Variants in SIPA1L2 observed in about 807,000 individuals in gnomAD.
SIPA1L2 encodes the protein signal induced proliferation associated 1 like 2.
SIPA1L2 carries 56 observed loss-of-function variants against 163.9 expected under a neutral mutation model. That is an observed-to-expected ratio of 0.34 (90% CI 0.28 to 0.43). SIPA1L2 has a LOEUF of 0.43. Ranked by LOEUF, SIPA1L2 falls within the 20% of genes least tolerant of loss-of-function variation. SIPA1L2 has a pLI of 1.00. For missense variants in SIPA1L2, 1,974 were observed against 2,193.5 expected (o/e 0.90, Z 2.00); for synonymous variants, 877 against 865.7 (o/e 1.01, Z -0.23).
chr1:232,577,888 A>C (rs2102795464), intron 1 of SIPA1L2, among the ~76,000 whole-genome samples: 1 of 152,268 alleles, frequency 6.6e-6, no homozygotes, highest in East Asian at 1.9e-4. Context: ...AATTACATAA[A>C]CTTGGCAGGG....
At chr1:232,449,650 A>T (rs987327875) in intron 10 of SIPA1L2, among the ~76,000 whole-genome samples, 5 of 152,170 alleles carry the variant, frequency 3.3e-5, no homozygotes, top group Non-Finnish European at 7.3e-5. Flanking sequence ...TAGTATATGA[A>T]CATTTCTAGA....
intron 2 of SIPA1L2, among the ~76,000 whole-genome samples, chr1:232,541,518 CA>C (rs1657678598): frequency 6.6e-6 from 1 of 152,076 alleles, no homozygotes; most frequent in South Asian, 2.1e-4. Flanking sequence ...TATTTTTCCC[CA>C]AAAACTCCAG....
intron 2 of SIPA1L2, among the ~76,000 whole-genome samples, chr1:232,564,820 G>T (rs1659306258): frequency 6.6e-6 from 1 of 152,094 alleles, no homozygotes. Context: ...GTGTACACAT[G>T]TTCTCTCTCA....
At chr1:232,531,649 GTTC>G (rs980830094) in intron 2 of SIPA1L2, among the ~76,000 whole-genome samples, 3 of 152,150 alleles carry the variant, frequency 2.0e-5, no homozygotes, top group Non-Finnish European at 4.4e-5. Context: ...ACATCTTTTG[GTTC>G]TTCTTAGTAG....
At chr1:232,443,088 T>A (rs933152234) in intron 12 of SIPA1L2, among the ~76,000 whole-genome samples, 11 of 152,252 alleles carry the variant, frequency 7.2e-5, no homozygotes, top group African/African-American at 2.6e-4. Flanking sequence ...TGCTCCCTCT[T>A]CTCTTCCCAG....
At chr1:232,471,122 T>A (rs1307374061) in intron 8 of SIPA1L2, among the ~76,000 whole-genome samples, 1 of 152,192 alleles carries the variant, frequency 6.6e-6, no homozygotes, top group Non-Finnish European at 1.5e-5. Context: ...AATTAAGCTA[T>A]TGATTCTGGC....
At chr1:232,587,496 G>T (rs1395639083) in intron 1 of SIPA1L2, among the ~76,000 whole-genome samples, 1 of 152,242 alleles carries the variant, frequency 6.6e-6, no homozygotes, top group African/African-American at 2.4e-5. Context: ...GATCTGTGAG[G>T]TCAAACTAGA....
chr1:232,435,513 G>A (rs1264983390), intron 15 of SIPA1L2, among the ~76,000 whole-genome samples: 3 of 152,106 alleles, frequency 2.0e-5, no homozygotes, highest in East Asian at 1.9e-4. Flanking sequence ...CTCTTCTTTC[G>A]GAGTTATACT....
chr1:232,432,759 T>G (rs1662325650), intron 15 of SIPA1L2, among the ~76,000 whole-genome samples: 1 of 152,184 alleles, frequency 6.6e-6, no homozygotes. Flanking sequence ...AACTGATTCT[T>G]CAAAAGAGAA....
At position 232,445,878 on chromosome 1, in the gene SIPA1L2, C is replaced by T. The variant is rs1663188134; in HGVS notation, c.3096-92G>A. 8 of 1,376,208 alleles carry T rather than the reference C, an allele frequency of 5.8e-6. 1 individual carries two copies. Among genetic ancestry groups the T allele is most frequent in the Middle Eastern group, 2.4e-4 (1 of 4,092 alleles). 85.2% of individuals were successfully genotyped at this position (1,376,208 alleles called of 1,614,324 possible). The stretch of plus-strand genomic sequence containing the variant: ...CAGCTGGGCCCCTCAACACACATCA[C>T]ATGGTGTGTGCCTCTCCCGGCTCCA... On this transcript the variant is annotated intron_variant, in intron 10 of 22. Coordinates refer to ENST00000674635, the MANE Select transcript of SIPA1L2 (RefSeq NM_020808.5).
chr1:232,581,364 T>C (rs772654645), intron 1 of SIPA1L2, among the ~76,000 whole-genome samples: 1 of 151,994 alleles, frequency 6.6e-6, no homozygotes, highest in Admixed American at 6.6e-5. Flanking sequence ...GCTAGGAGGG[T>C]GTGGGCTGCA....
chr1:232,516,446 G>C (rs1443139981), intron 2 of SIPA1L2, among the ~76,000 whole-genome samples: 1 of 152,156 alleles, frequency 6.6e-6, no homozygotes, highest in East Asian at 1.9e-4. Flanking sequence ...AATTCTAAGA[G>C]AATTAGGTAA....
intron 3 of SIPA1L2, among the ~76,000 whole-genome samples, chr1:232,504,693 C>G (rs1341946180): frequency 6.6e-6 from 1 of 152,072 alleles, no homozygotes; most frequent in Non-Finnish European, 1.5e-5. Context: ...CAAATTTAAC[C>G]AAGGTATTTG....
chr1:232,441,516 C>T lies in SIPA1L2; in HGVS notation c.3539-122G>A, dbSNP rs191009090. 155 of 874,642 alleles carry T rather than the reference C, an allele frequency of 1.8e-4. 1 individual carries two copies. In the East Asian group the frequency reaches 2.7e-3, roughly 15 times the overall value. The allele number at this position is 874,642 out of a possible 1,614,324, so 54.2% of individuals were successfully genotyped here. On this transcript the variant is annotated intron_variant, in intron 13 of 22. Transcript: ENST00000674635. ...AACAGGCTTGTGGTTCTGGGACTTT[C>T]TGGTCTTACCAATGGATATGTCACA...
rs868264384 is a variant in SIPA1L2, at chr1:232,439,304, C to T, written c.3835G>A (p.Gly1279Ser). The change falls in exon 15 of 23, where the codon GGC (glycine) becomes AGC (serine). Residue 1279 changes from glycine (G) to serine (S), a missense_variant. Gly to Ser is a moderately conservative substitution (Grantham distance 56, BLOSUM62 0). This residue lies in a region of SIPA1L2 where 1,079 missense variants were observed against 1,150.7 expected (regional missense o/e 0.94). Transcript: ENST00000674635. Reference sequence around the variant, plus strand: ...CTGCTGCCTGCCAGGTGCACAGGGCCGAGGATGGTGGCAGGCATGCAGGGG... The same window carrying T: ...CTGCTGCCTGCCAGGTGCACAGGGCTGAGGATGGTGGCAGGCATGCAGGGG... ...TAPCMPATIL[G>S]PVHLAGSRSL... 9.3e-6 allele frequency: 15 copies of T among 1,614,012 alleles called. No individual in the cohort carries two copies. The highest frequency in any genetic ancestry group is 3.3e-4 in the Middle Eastern group (2 of 6,084).
intron 2 of SIPA1L2, among the ~76,000 whole-genome samples, chr1:232,546,849 G>C (rs1658060324): frequency 1.3e-5 from 2 of 152,160 alleles, no homozygotes; most frequent in African/African-American, 2.4e-5. Flanking sequence ...GTCAGGATGG[G>C]GCTGATCAGG....
At position 232,453,252 on chromosome 1, in the gene SIPA1L2, A is replaced by G. The variant is rs191105764; in HGVS notation, c.3096-7466T>C. On this transcript the variant is annotated intron_variant, in intron 10 of 22. Coordinates refer to ENST00000674635, the MANE Select transcript of SIPA1L2 (RefSeq NM_020808.5). ...GAAGAGTCCTAAGGGAATGATGAGT[A>G]GCAAAACAAAACCAAAAAACCTAGA... is the stretch of plus-strand genomic sequence containing the variant. Among the ~76,000 whole-genome samples the G allele has an allele frequency of 1.1e-3, 173 of 152,336 alleles. 1 individual carries two copies. Among genetic ancestry groups the G allele is most frequent in the African/African-American group, 4.1e-3 (172 of 41,574 alleles).
chr1:232,456,432 A>G (rs548142840), intron 10 of SIPA1L2, among the ~76,000 whole-genome samples: 8 of 152,340 alleles, frequency 5.3e-5, no homozygotes, highest in African/African-American at 1.9e-4. Context: ...ACATGAGAAA[A>G]TTTCCACTGT....
chr1:232,553,376 C>G (rs1373181965), intron 2 of SIPA1L2, among the ~76,000 whole-genome samples: 1 of 152,084 alleles, frequency 6.6e-6, no homozygotes, highest in East Asian at 1.9e-4. Context: ...TATATGGGTA[C>G]AGGACGGGGG....
Sources: gnomAD v4.1 joint callset for allele counts (sites outside exome capture counted in the v4.1 genomes callset) on GRCh38, gnomAD v4.1.1 for gene constraint, gnomAD v4.1.1 regional missense constraint, MANE v1.5 for transcripts, NCBI Gene and HGNC (gene_info 2026-07-23, HGNC 2026-07-21) for gene names.